Variants in USP15 observed in about 807,000 individuals in gnomAD.
USP15 encodes ubiquitin carboxyl-terminal hydrolase 15.
Under a neutral mutation model 127.1 loss-of-function variants are expected in USP15, and 18 were observed. The observed-to-expected ratio is 0.14, with a 90% CI of 0.10 to 0.21. USP15 has a LOEUF of 0.21. Among genes scored for constraint, USP15 ranks in the 10% least tolerant of loss-of-function variants. The probability of loss-of-function intolerance (pLI) is 1.00; values close to 1 mark genes in which losing one functional copy is unlikely to be tolerated. For synonymous variants in USP15, 364 were observed against 393.7 expected, an observed-to-expected ratio of 0.92 and a Z score of 0.89; for missense variants, 805 against 1,159.9, an observed-to-expected ratio of 0.69 and a Z score of 4.44.
At chr12:62,269,018 A>G (rs1467568728) in intron 1 of USP15, among the ~76,000 whole-genome samples, 1 of 151,854 alleles carries the variant, frequency 6.6e-6, no homozygotes, top group Non-Finnish European at 1.5e-5. Flanking sequence ...CGATTTTTGC[A>G]TCTTGCTTCT....
intron 1 of USP15, among the ~76,000 whole-genome samples, chr12:62,273,608 TA>T: frequency 6.6e-6 from 1 of 152,062 alleles, no homozygotes; most frequent in Non-Finnish European, 1.5e-5. Context: ...AGAATATATA[TA>T]AACAAAAATA....
At chr12:62,397,020 C>CA (rs1243765058) in intron 20 of USP15, among the ~76,000 whole-genome samples, 2 of 152,112 alleles carry the variant, frequency 1.3e-5, no homozygotes, top group Admixed American at 6.5e-5. Context: ...GATTGCCCCC[C>CA]ACCCCCCAGG....
chr12:62,310,700 G>T (rs1171652355), intron 3 of USP15, among the ~76,000 whole-genome samples: 1 of 151,876 alleles, frequency 6.6e-6, no homozygotes, highest in Non-Finnish European at 1.5e-5. Context: ...GTGAGTGCAG[G>T]TATCCCTTTC....
At chr12:62,378,066 G>T (rs192542770) in intron 8 of USP15, among the ~76,000 whole-genome samples, 1 of 151,392 alleles carries the variant, frequency 6.6e-6, no homozygotes, top group Admixed American at 6.6e-5. Context: ...AATTAGCCAG[G>T]TGCGGTGGTG....
chr12:62,284,410 A>T (rs2063734508), intron 1 of USP15, among the ~76,000 whole-genome samples: 1 of 152,230 alleles, frequency 6.6e-6, no homozygotes, highest in African/African-American at 2.4e-5. Context: ...CATAATCTTG[A>T]CAGTGAGTTC....
intron 8 of USP15, among the ~76,000 whole-genome samples, chr12:62,362,135 C>G (rs1308767996): frequency 1.3e-5 from 2 of 152,032 alleles, no homozygotes; most frequent in African/African-American, 2.4e-5. Flanking sequence ...TTTCCAGTCA[C>G]TAAGACAAGT....
At position 62,383,968 on chromosome 12, in the gene USP15, A is replaced by G; in HGVS notation, c.1218A>G (p.Gln406=). Residue 406 remains glutamine (Q), a synonymous_variant, in exon 10 of 22, where the codon CAA becomes CAG. Coordinates refer to ENST00000280377, the MANE Select transcript of USP15 (RefSeq NM_001252078.2). ...GAATTAGGAAAAAACCATATATACA[A>G]TTAAAAGATGCAGATGGAAGGCCAG... The part of the protein sequence containing the change: ...LNRIRKKPYI[Q]LKDADGRPDK... The G allele has an allele frequency of 6.2e-7, 1 of 1,612,512 alleles. No individual in the cohort carries two copies. Among genetic ancestry groups the G allele is most frequent in the Non-Finnish European group, 8.5e-7 (1 of 1,179,060 alleles).
At chr12:62,354,224 G>A (rs2066050735) in intron 7 of USP15, among the ~76,000 whole-genome samples, 2 of 151,574 alleles carry the variant, frequency 1.3e-5, no homozygotes, top group Non-Finnish European at 2.9e-5. Context: ...TAAAGTGAGA[G>A]CGTCCTATAT....
chr12:62,271,549 T>TA (rs2063345157), intron 1 of USP15, among the ~76,000 whole-genome samples: 1 of 151,978 alleles, frequency 6.6e-6, no homozygotes, highest in Non-Finnish European at 1.5e-5. Flanking sequence ...CAATTTTTCT[T>TA]AGTTTTTTCT....
intron 6 of USP15, among the ~76,000 whole-genome samples, chr12:62,326,922 G>A (rs2137305230): frequency 6.6e-6 from 1 of 152,166 alleles, no homozygotes; most frequent in Non-Finnish European, 1.5e-5. Flanking sequence ...AAGAGGTCAG[G>A]AGTTTAAGAC....
At chr12:62,359,145 C>T (rs1238373296) in intron 8 of USP15, among the ~76,000 whole-genome samples, 2 of 150,568 alleles carry the variant, frequency 1.3e-5, no homozygotes, top group Non-Finnish European at 3.0e-5. Flanking sequence ...CCCAGAACCC[C>T]ATCTGCTTTC....
In USP15 at chr12:62,315,006, T is replaced by G. The variant is rs1051627022; in HGVS notation, c.475+90T>G. ...GTATATGCTACTTGGATGATAACCA[T>G]TTTAAGGATTTATATATAGACATTT... On this transcript the variant is annotated intron_variant, in intron 4 of 21. Transcript: ENST00000280377. The G allele has an allele frequency of 9.7e-6, 12 of 1,235,506 alleles. No homozygotes were observed. In the African/African-American group the frequency reaches 1.5e-4, roughly 16 times the overall value. The allele number at this position is 1,235,506 out of a possible 1,614,324, so 76.5% of individuals were successfully genotyped here. A position where few individuals can be genotyped will look rare whatever the true frequency, so the allele number is the denominator to read the frequency against.
At chr12:62,385,787 C>T (rs1002922294) in intron 11 of USP15, among the ~76,000 whole-genome samples, 3 of 152,040 alleles carry the variant, frequency 2.0e-5, no homozygotes, top group African/African-American at 7.2e-5. Flanking sequence ...CACATCCTTA[C>T]CTCTCTAGTT....
intron 6 of USP15, among the ~76,000 whole-genome samples, chr12:62,336,844 A>G (rs562487348): frequency 2.7e-4 from 41 of 152,330 alleles, no homozygotes; most frequent in African/African-American, 8.9e-4. Context: ...CATAGTTGAA[A>G]AGGAGTATTT....
At chr12:62,280,066 G>A in intron 1 of USP15, among the ~76,000 whole-genome samples, 1 of 152,006 alleles carries the variant, frequency 6.6e-6, no homozygotes, top group East Asian at 1.9e-4. Context: ...CTACTTCATT[G>A]GGTAAATGAA....
rs1201066373 is a variant in USP15 at position 62,410,711 on chromosome 12, G to T, written c.*6336G>T. The T allele has an allele frequency of 1.3e-5, 2 of 152,102 alleles. No individual in the cohort carries two copies. Among genetic ancestry groups the T allele is most frequent in the African/African-American group, 2.4e-5 (1 of 41,416 alleles). 9.4% of individuals were successfully genotyped at this position (152,102 alleles called of 1,614,324 possible). On this transcript the variant is annotated 3_prime_UTR_variant, in exon 22 of 22. Coordinates refer to ENST00000280377, the MANE Select transcript of USP15 (RefSeq NM_001252078.2). ...TTTTCACAACCATAAAATTATGCTG[G>T]TCTCTTGAAAGTATTAGTTTATGGG...
chr12:62,395,256 C>T (rs998617280), intron 19 of USP15, among the ~76,000 whole-genome samples: 1 of 152,110 alleles, frequency 6.6e-6, no homozygotes, highest in Non-Finnish European at 1.5e-5. Context: ...ATCTACTGGA[C>T]CCAGATGGTC....
chr12:62,298,633 C>G (rs1381485370), intron 2 of USP15, among the ~76,000 whole-genome samples: 2 of 151,942 alleles, frequency 1.3e-5, no homozygotes, highest in Non-Finnish European at 2.9e-5. Context: ...CTACTGCACT[C>G]TAGCCTGGCG....
chr12:62,314,708 T>C (rs1592566937), intron 3 of USP15, 82 bp from the exon 4 acceptor site: 1 of 1,286,896 alleles, frequency 7.8e-7, no homozygotes, highest in Non-Finnish European at 1.0e-6. Flanking sequence ...TGCAGTTTTC[T>C]AAAGTCTCTT....
Sources: gnomAD v4.1 joint callset for allele counts (sites outside exome capture counted in the v4.1 genomes callset) on GRCh38, gnomAD v4.1.1 for gene constraint, MANE v1.5 for transcripts, NCBI Gene and HGNC (gene_info 2026-07-23, HGNC 2026-07-21) for gene names.